The following PCDHGB1 variants were observed in gnomAD, a reference collection of about 807,000 sequenced individuals.
PCDHGB1 encodes the protein protocadherin gamma subfamily B, 1.
In PCDHGB1, 34 loss-of-function variants were observed where a neutral mutation model predicts 56.6. The observed-to-expected ratio is 0.60, with a 90% CI of 0.46 to 0.80. PCDHGB1 has a LOEUF of 0.80. Among genes scored for constraint, PCDHGB1 ranks in the 30% least tolerant of loss-of-function variants. PCDHGB1 has a pLI of 0.00. For synonymous variants in PCDHGB1, 561 were observed against 505.9 expected (o/e 1.11, Z -1.46); for missense variants, 1,278 against 1,204.6 (o/e 1.06, Z -0.90).
intron 1 of PCDHGB1, chr5:141,384,244 C>A (rs768651416): frequency 1.2e-5 from 20 of 1,613,710 alleles, no homozygotes; most frequent in Non-Finnish European, 1.7e-5. Flanking sequence ...CAACGATAAC[C>A]CACCCACCTT....
intron 1 of PCDHGB1, chr5:141,405,413 T>C: frequency 6.4e-7 from 1 of 1,561,606 alleles, no homozygotes; most frequent in South Asian, 1.2e-5. Context: ...TTTTCTTTTT[T>C]TGTTTTTTGT....
chr5:141,362,994 C>T (rs1023697492), intron 1 of PCDHGB1, among the ~76,000 whole-genome samples: 12 of 152,350 alleles, frequency 7.9e-5, no homozygotes, highest in Admixed American at 3.9e-4. Context: ...AATGGCATGG[C>T]TTGTTAATCA....
chr5:141,361,443 A>G, intron 1 of PCDHGB1: 1 of 1,613,982 alleles, frequency 6.2e-7, no homozygotes, highest in Non-Finnish European at 8.5e-7. Context: ...CCTCCAGCAT[A>G]ATTGTCACCC....
chr5:141,387,144 G>C (rs2090840258), intron 1 of PCDHGB1, among the ~76,000 whole-genome samples: 1 of 152,168 alleles, frequency 6.6e-6, no homozygotes, highest in Admixed American at 6.5e-5. Context: ...ATTGGGAAGG[G>C]GGTGTATTTG....
At chr5:141,445,844 A>T (rs979756627) in intron 1 of PCDHGB1, among the ~76,000 whole-genome samples, 3 of 152,216 alleles carry the variant, frequency 2.0e-5, no homozygotes, top group Admixed American at 1.3e-4. Context: ...TGTAAATCAC[A>T]CTTAAAATTC....
chr5:141,380,503 A>G (rs1353992586), intron 1 of PCDHGB1, among the ~76,000 whole-genome samples: 1 of 152,196 alleles, frequency 6.6e-6, no homozygotes, highest in African/African-American at 2.4e-5. Context: ...ACAATAATAT[A>G]CACTCTTTAA....
chr5:141,472,454 C>T (rs538141635), intron 1 of PCDHGB1, among the ~76,000 whole-genome samples: 3 of 151,192 alleles, frequency 2.0e-5, no homozygotes, highest in South Asian at 4.2e-4. Context: ...GCAGGAGAAT[C>T]GCTTGAACCC....
At chr5:141,470,983 C>G (rs1486663328) in intron 1 of PCDHGB1, among the ~76,000 whole-genome samples, 2 of 151,528 alleles carry the variant, frequency 1.3e-5, no homozygotes, top group African/African-American at 4.9e-5. Context: ...TCCCAAAGTG[C>G]TGGGACTACA....
chr5:141,399,909 A>G (rs1181363803), intron 1 of PCDHGB1: 6 of 1,612,410 alleles, frequency 3.7e-6, no homozygotes, highest in East Asian at 4.5e-5. Flanking sequence ...ACGCAGACTC[A>G]GGACACAACG....
intron 1 of PCDHGB1, chr5:141,393,282 G>A (rs2150516370): frequency 1.2e-6 from 2 of 1,613,980 alleles, no homozygotes; most frequent in Non-Finnish European, 1.7e-6. Context: ...ACTCCCAGAA[G>A]CTGTTGACCC....
chr5:141,451,330 T>C (rs1335156581), intron 1 of PCDHGB1, among the ~76,000 whole-genome samples: 2 of 152,200 alleles, frequency 1.3e-5, no homozygotes, highest in East Asian at 1.9e-4. Context: ...CCTAAGGCTA[T>C]TGTCTTATCT....
chr5:141,409,828 C>CG (rs2095322406), intron 1 of PCDHGB1: 1 of 1,611,010 alleles, frequency 6.2e-7, no homozygotes, highest in African/African-American at 1.3e-5. Flanking sequence ...CGCCCACGCT[C>CG]AGCGCCAACG....
chr5:141,370,380 G>C (rs1407234552), intron 1 of PCDHGB1: 1 of 1,532,358 alleles, frequency 6.5e-7, no homozygotes, highest in Non-Finnish European at 8.8e-7. Context: ...GAAAGGCAAA[G>C]GCGCAGAGAG....
chr5:141,475,049 A>G (rs553607902), intron 1 of PCDHGB1, among the ~76,000 whole-genome samples: 81 of 152,346 alleles, frequency 5.3e-4, no homozygotes, highest in African/African-American at 1.8e-3. Context: ...TGTATTTTCT[A>G]AAGATTTGTG....
chr5:141,356,431 G>A (rs1760220758), intron 1 of PCDHGB1: 1 of 1,609,622 alleles, frequency 6.2e-7, no homozygotes, highest in Non-Finnish European at 8.5e-7. Context: ...CAGAACACTG[G>A]ACAGGGAAGA....
chr5:141,486,706 C>T lies in PCDHGB1; in HGVS notation c.2410-8101C>T. 1.2e-6 allele frequency: 2 copies of T among 1,614,154 alleles called. No homozygotes were observed. Among genetic ancestry groups the T allele is most frequent in the Admixed American group, 1.7e-5 (1 of 60,020 alleles). On this transcript the variant is annotated intron_variant, in intron 1 of 3. Transcript: ENST00000523390. This position sits in a 1 kb window ranked among gnomAD's most constrained non-coding sequence, Gnocchi z 5.0. ...CAGCTTCCTCTTTCATCTCTCTGAACCCCCAGACAGGAGCTGTTCATGCTA... is the reference window on the plus strand; with the variant it reads ...CAGCTTCCTCTTTCATCTCTCTGAATCCCCAGACAGGAGCTGTTCATGCTA...
intron 1 of PCDHGB1, chr5:141,364,740 A>T: frequency 6.2e-7 from 1 of 1,613,970 alleles, no homozygotes; most frequent in Middle Eastern, 1.6e-4. Flanking sequence ...CGGGATGAAG[A>T]GTTAAAAGTA....
chr5:141,437,247 C>T (rs2097870457), intron 1 of PCDHGB1, among the ~76,000 whole-genome samples: 2 of 152,090 alleles, frequency 1.3e-5, no homozygotes, highest in Non-Finnish European at 2.9e-5. Context: ...AAGGACTTTC[C>T]TTGTCTTTTT....
Position 141,437,358 on chromosome 5 carries a change from T to C in PCDHGB1, c.2410-57449T>C, listed in dbSNP as rs115917828. ...CTTCACTGTTTTATAGTACCTAAAATTGGAATGTAATCAGTCAGAAGACAT... is the reference window on the plus strand; with the variant it reads ...CTTCACTGTTTTATAGTACCTAAAACTGGAATGTAATCAGTCAGAAGACAT... On this transcript the variant is annotated intron_variant, in intron 1 of 3. Coordinates refer to ENST00000523390, the MANE Select transcript of PCDHGB1 (RefSeq NM_018922.3). 4.6e-3 allele frequency among the ~76,000 whole-genome samples: 702 copies of C among 152,356 alleles called. 4 individuals carry two copies. Among genetic ancestry groups the C allele is most frequent in the African/African-American group, 0.015 (639 of 41,574 alleles).
Sources: allele counts gnomAD v4.1 joint callset (sites outside exome capture counted in the v4.1 genomes callset), GRCh38; gene constraint gnomAD v4.1.1; non-coding constraint Gnocchi (gnomAD v3.1); transcripts MANE v1.5; gene names NCBI Gene and HGNC (gene_info 2026-07-23, HGNC 2026-07-21).